The following ATXN7 variants were observed in gnomAD, a reference collection of about 807,000 sequenced individuals.
ATXN7 encodes ataxin-7.
In ATXN7, 12 loss-of-function variants were observed where a neutral mutation model predicts 70.5. The ratio of observed to expected loss-of-function variants is 0.17; its 90% CI spans 0.11 to 0.28. The LOEUF is 0.28. Among genes scored for constraint, ATXN7 ranks in the 10% least tolerant of loss-of-function variants. ATXN7 has a pLI of 1.00. For synonymous variants in ATXN7, 498 were observed against 448.7 expected (o/e 1.11, Z -1.39); for missense variants, 1,256 against 1,131.7 (o/e 1.11, Z -1.58).
At chr3:63,870,713 CCTT>C (rs1465809079) in intron 1 of ATXN7, among the ~76,000 whole-genome samples, 4 of 152,076 alleles carry the variant, frequency 2.6e-5, no homozygotes, top group African/African-American at 7.2e-5. Context: ...TCCTATTAAT[CCTT>C]CTTTGCCGTG....
Position 63,988,502 on chromosome 3 carries a change from C to G in ATXN7, c.1361+178C>G, listed in dbSNP as rs540493726. ...AAAGGTTGAGTTCAGTAAGTTTCAA[C>G]CAGGGCTCCTCTTGGTTGTAAATGC... On this transcript the variant is annotated intron_variant, in intron 9 of 12. Transcript: ENST00000674280. 1.4e-4 allele frequency: 116 copies of G among 819,604 alleles called. 1 individual carries two copies. The African/African-American group carries it at 1.9e-3, about 13-fold the overall frequency. The allele number at this position is 819,604 out of a possible 1,614,324, so 50.8% of individuals were successfully genotyped here. A position where few individuals can be genotyped will look rare whatever the true frequency, so the allele number is the denominator to read the frequency against.
chr3:63,978,121 C>T (rs923949287), intron 5 of ATXN7, among the ~76,000 whole-genome samples: 1 of 152,154 alleles, frequency 6.6e-6, no homozygotes, highest in African/African-American at 2.4e-5. Context: ...CGTGGCTGCA[C>T]AGTAGAATCA....
At position 63,999,617 on chromosome 3, in the gene ATXN7, T is replaced by A; in HGVS notation, c.*150T>A. 7.2e-7 allele frequency: 1 copy of A among 1,390,040 alleles called. No homozygotes were observed. Among genetic ancestry groups the A allele is most frequent in the Non-Finnish European group, 1.0e-6 (1 of 999,496 alleles). 86.1% of individuals were successfully genotyped at this position (1,390,040 alleles called of 1,614,324 possible). A position where few individuals can be genotyped will look rare whatever the true frequency, so the allele number is the denominator to read the frequency against. Reference sequence around the variant, plus strand: ...GGTAGAAACCTGCCGGGCTGTTGTTTTAACGAGGATTTCCCTGAAGCTATG... The same window carrying A: ...GGTAGAAACCTGCCGGGCTGTTGTTATAACGAGGATTTCCCTGAAGCTATG... On this transcript the variant is annotated 3_prime_UTR_variant, in exon 13 of 13. Transcript: ENST00000674280.
In ATXN7 at chr3:63,996,143, A is replaced by G. The variant is rs768875277; in HGVS notation, c.2321A>G (p.Gln774Arg). 7 of 1,614,030 alleles carry G rather than the reference A, an allele frequency of 4.3e-6. No individual in the cohort carries two copies. In the South Asian group the frequency reaches 6.6e-5, roughly 15 times the overall value. Residue 774 changes from glutamine (Q) to arginine (R), a missense_variant, in exon 12 of 13, where the codon CAG (glutamine) becomes CGG (arginine). Gln to Arg is a conservative substitution (Grantham distance 43). Coordinates refer to ENST00000674280, the MANE Select transcript of ATXN7 (RefSeq NM_001377405.1). ...AATGCGGTGAACGTCCGGCATGACC[A>G]GTCAGGGAGGGGCCCCCCCACCGGG... Reference protein sequence around the residue: ...KANAVNVRHDQSGRGPPTGSP... With the variant: ...KANAVNVRHDRSGRGPPTGSP...
chr3:63,972,275 A>G (rs113441558), intron 5 of ATXN7, among the ~76,000 whole-genome samples: 1,721 of 152,280 alleles, frequency 0.011, 16 homozygotes, highest in Non-Finnish European at 0.019. Context: ...ATGTTTACCT[A>G]TGTTTTACAT....
chr3:63,999,560 GTC>G lies in ATXN7; in HGVS notation c.*95_*96del. 1 of 1,582,020 alleles carries G rather than the reference GTC, an allele frequency of 6.3e-7. No individual in the cohort carries two copies. ...ACTCTGGACTCCACGATGCCTTTGA[GTC>G]TGTTTTCCCAACCTCCTGTGGGCCT... is the stretch of plus-strand genomic sequence containing the variant. On this transcript the variant is annotated 3_prime_UTR_variant, in exon 13 of 13. Coordinates refer to ENST00000674280, the MANE Select transcript of ATXN7 (RefSeq NM_001377405.1).
chr3:63,892,477 A>C (rs913900100), intron 1 of ATXN7, among the ~76,000 whole-genome samples: 1 of 145,644 alleles, frequency 6.9e-6, no homozygotes, highest in Non-Finnish European at 1.5e-5. Flanking sequence ...TCACACACAC[A>C]CACACACACA....
At chr3:63,917,184 T>G (rs1704308660) in intron 4 of ATXN7, among the ~76,000 whole-genome samples, 1 of 152,110 alleles carries the variant, frequency 6.6e-6, no homozygotes, top group South Asian at 2.1e-4. Context: ...CCTCCCAAAG[T>G]GTTGGGATGA....
intron 4 of ATXN7, among the ~76,000 whole-genome samples, chr3:63,938,570 C>G (rs2074703441): frequency 6.6e-6 from 1 of 152,106 alleles, no homozygotes; most frequent in African/African-American, 2.4e-5. Context: ...AAAATGCATT[C>G]AAAGCTAAAA....
intron 12 of ATXN7, 82 bp from the exon 13 acceptor site, chr3:63,999,367 AT>A: frequency 8.7e-7 from 1 of 1,155,646 alleles, no homozygotes. Flanking sequence ...CCTTTGGAAT[AT>A]TCTTGTTTAG....
chr3:63,931,494 C>T (rs1032438896), intron 4 of ATXN7, among the ~76,000 whole-genome samples: 2 of 152,126 alleles, frequency 1.3e-5, no homozygotes, highest in African/African-American at 2.4e-5. Context: ...CCATAGAGGA[C>T]ACTTCGGGAC....
chr3:63,975,064 A>G (rs1476575108), intron 5 of ATXN7, among the ~76,000 whole-genome samples: 1 of 152,220 alleles, frequency 6.6e-6, no homozygotes, highest in Non-Finnish European at 1.5e-5. Context: ...TTTCTTACAG[A>G]CAAAAATCAT....
chr3:63,929,695 G>C (rs1356599696), intron 4 of ATXN7, among the ~76,000 whole-genome samples: 1 of 152,024 alleles, frequency 6.6e-6, no homozygotes, highest in Non-Finnish European at 1.5e-5. Context: ...ATCTCTGCTT[G>C]CCCGGGTGGT....
At chr3:63,872,025 G>A (rs942877450) in intron 1 of ATXN7, among the ~76,000 whole-genome samples, 1 of 151,690 alleles carries the variant, frequency 6.6e-6, no homozygotes, top group African/African-American at 2.4e-5. Context: ...CAGTTATTTT[G>A]GCTTTGGAGT....
rs1448801397 is a variant in ATXN7 at position 63,863,897 on chromosome 3, A to G, written c.-372A>G. On this transcript the variant is annotated 5_prime_UTR_variant, in exon 1 of 13. Transcript: ENST00000674280. ...GCAGCCGGGTAAACAGCCATGGAGGAGGAGGCGGCGGCGCCCGCGGCCGCC... is the reference window on the plus strand; with the variant it reads ...GCAGCCGGGTAAACAGCCATGGAGGGGGAGGCGGCGGCGCCCGCGGCCGCC... The G allele has an allele frequency of 8.1e-6, 9 of 1,110,892 alleles. No homozygotes were observed. Among genetic ancestry groups the G allele is most frequent in the Non-Finnish European group, 9.9e-6 (9 of 913,554 alleles). 68.8% of individuals were successfully genotyped at this position (1,110,892 alleles called of 1,614,324 possible). A position where few individuals can be genotyped will look rare whatever the true frequency, so the allele number is the denominator to read the frequency against.
intron 4 of ATXN7, among the ~76,000 whole-genome samples, chr3:63,948,454 A>G (rs2074902029): frequency 6.6e-6 from 1 of 152,124 alleles, no homozygotes; most frequent in Non-Finnish European, 1.5e-5. Context: ...GAAACTAGAC[A>G]GAGCTTGGGA....
chr3:63,899,230 T>G (rs1451026935), intron 2 of ATXN7, among the ~76,000 whole-genome samples: 1 of 151,978 alleles, frequency 6.6e-6, no homozygotes, highest in African/African-American at 2.4e-5. Context: ...ACCTGGCTAA[T>G]TTTTGTATTT....
intron 5 of ATXN7, among the ~76,000 whole-genome samples, chr3:63,969,743 G>A (rs988282454): frequency 6.6e-6 from 1 of 152,180 alleles, no homozygotes; most frequent in African/African-American, 2.4e-5. Context: ...TTGAACTACA[G>A]ATAGTATAAC....
chr3:63,873,040 G>C (rs949868347), intron 1 of ATXN7, among the ~76,000 whole-genome samples: 2 of 151,976 alleles, frequency 1.3e-5, no homozygotes, highest in Non-Finnish European at 2.9e-5. Flanking sequence ...GGGAGGAAGC[G>C]TAGTTTTTAA....
Sources: gnomAD v4.1 joint callset for allele counts (sites outside exome capture counted in the v4.1 genomes callset) on GRCh38, gnomAD v4.1.1 for gene constraint, MANE v1.5 for transcripts, NCBI Gene and HGNC (gene_info 2026-07-23, HGNC 2026-07-21) for gene names.